Variants in SAMMSON observed in about 807,000 individuals in gnomAD.
SAMMSON encodes long intergenic non-protein coding RNA 1212.
At chr3:70,341,839 T>TAA (rs34933759) in intron 7 of SAMMSON, among the ~76,000 whole-genome samples, 26 of 151,024 alleles carry the variant, frequency 1.7e-4, no homozygotes, top group African/African-American at 2.9e-4. Context: ...GGCACTCCAA[T>TAA]AAAAAAAAAC....
At chr3:70,026,539 T>C (rs1576101082) in intron 3 of SAMMSON, among the ~76,000 whole-genome samples, 1 of 152,288 alleles carries the variant, frequency 6.6e-6, no homozygotes, top group Admixed American at 6.5e-5. Context: ...ACATATCAAG[T>C]CCCTGATCAC....
chr3:70,072,500 A>G (rs2067233765), intron 4 of SAMMSON: 1 of 151,824 alleles, frequency 6.6e-6, no homozygotes, highest in Admixed American at 6.6e-5. Flanking sequence ...TGAGTTGTGA[A>G]TAATTTTAAC....
intron 4 of SAMMSON, chr3:70,071,800 A>G (rs2067231123): frequency 6.6e-6 from 1 of 152,010 alleles, no homozygotes; most frequent in Non-Finnish European, 1.5e-5. Flanking sequence ...AGGTTTTCCA[A>G]TAGCTTGAAG....
At chr3:70,131,301 A>G (rs1333154627) in intron 4 of SAMMSON, among the ~76,000 whole-genome samples, 6 of 152,180 alleles carry the variant, frequency 3.9e-5, no homozygotes, top group African/African-American at 1.4e-4. Flanking sequence ...AGTTTCCTCT[A>G]CAGTCAAAAT....
At chr3:70,348,276 G>GCATCGGT (rs1244078062) in intron 7 of SAMMSON, among the ~76,000 whole-genome samples, 2 of 152,170 alleles carry the variant, frequency 1.3e-5, no homozygotes, top group Non-Finnish European at 2.9e-5. Flanking sequence ...AGATGGTCAT[G>GCATCGGT]GACAGAGGGA....
intron 4 of SAMMSON, among the ~76,000 whole-genome samples, chr3:70,144,353 T>C (rs1365070841): frequency 3.3e-5 from 5 of 152,054 alleles, no homozygotes; most frequent in Non-Finnish European, 7.4e-5. Flanking sequence ...AGAAAAACTA[T>C]AGTAGGTCCC....
intron 6 of SAMMSON, among the ~76,000 whole-genome samples, chr3:70,257,125 C>A (rs1559546606): frequency 6.6e-6 from 1 of 152,140 alleles, no homozygotes; most frequent in Non-Finnish European, 1.5e-5. Context: ...CGCTACTTTT[C>A]TAGAAAATGA....
intron 4 of SAMMSON, among the ~76,000 whole-genome samples, chr3:70,246,026 AAT>A (rs1172642628): frequency 6.6e-6 from 1 of 151,668 alleles, no homozygotes; most frequent in Admixed American, 6.6e-5. Context: ...TGCATTGTTA[AAT>A]ATATATATGT....
At chr3:70,050,159 T>C (rs1161898555) in intron 3 of SAMMSON, among the ~76,000 whole-genome samples, 40 of 152,266 alleles carry the variant, frequency 2.6e-4, no homozygotes, top group Non-Finnish European at 1.5e-4. Flanking sequence ...CACCGTGGCA[T>C]TGTGATCTAT....
At chr3:70,319,003 G>C (rs998492434) in intron 7 of SAMMSON, among the ~76,000 whole-genome samples, 3 of 152,004 alleles carry the variant, frequency 2.0e-5, no homozygotes, top group African/African-American at 7.2e-5. Flanking sequence ...TGCTAGTACT[G>C]TATTAACTGT....
At chr3:70,116,199 T>G (rs1420390862) in intron 4 of SAMMSON, among the ~76,000 whole-genome samples, 1 of 151,806 alleles carries the variant, frequency 6.6e-6, no homozygotes, top group Non-Finnish European at 1.5e-5. Flanking sequence ...AGCATTTATC[T>G]GAGCACAGAT....
chr3:70,286,434 C>G (rs924198973), intron 6 of SAMMSON, among the ~76,000 whole-genome samples: 1 of 151,744 alleles, frequency 6.6e-6, no homozygotes, highest in African/African-American at 2.4e-5. Flanking sequence ...GTTTTGGTAC[C>G]AGTACCATGC....
At chr3:70,378,979 T>TTTTATTTATTTA (rs145138282) in intron 9 of SAMMSON, among the ~76,000 whole-genome samples, 87 of 141,494 alleles carry the variant, frequency 6.1e-4, no homozygotes, top group Admixed American at 3.6e-3. Context: ...ATACTTACAC[T>TTTTATTTATTTA]TTTATTTATT....
rs1327920207 is a variant in SAMMSON, at chr3:70,016,326, A to AT, written n.417+2660dup. Among the ~76,000 whole-genome samples, 2 of 152,028 alleles carry AT rather than the reference A, an allele frequency of 1.3e-5. 1 individual carries two copies. Among genetic ancestry groups the AT allele is most frequent in the African/African-American group, 4.8e-5 (2 of 41,356 alleles). ...TCTCTGATGGCCAGTGATGATGAGCATTTTTTCATGTGTCTGTTGTCTGTA... is the reference window on the plus strand; with the variant it reads ...TCTCTGATGGCCAGTGATGATGAGCATTTTTTTCATGTGTCTGTTGTCTGTA... On this transcript the variant is annotated intron_variant and non_coding_transcript_variant, in intron 3 of 9. Transcript: ENST00000642114.
intron 9 of SAMMSON, among the ~76,000 whole-genome samples, chr3:70,380,590 G>A (rs1177678671): frequency 2.0e-5 from 3 of 151,552 alleles, no homozygotes; most frequent in Non-Finnish European, 2.9e-5. Context: ...TGTGCACAAC[G>A]TGCAGGTTAG....
chr3:70,141,341 G>C (rs1178263311), intron 4 of SAMMSON, among the ~76,000 whole-genome samples: 3 of 152,198 alleles, frequency 2.0e-5, no homozygotes, highest in African/African-American at 7.2e-5. Flanking sequence ...TGAGAACCAG[G>C]AGTACCAATG....
chr3:70,341,991 G>A (rs190789885), intron 7 of SAMMSON, among the ~76,000 whole-genome samples: 1 of 152,226 alleles, frequency 6.6e-6, no homozygotes, highest in African/African-American at 2.4e-5. Flanking sequence ...CATGGTTATT[G>A]GAGCCTTGAT....
At chr3:70,295,838 T>C (rs986107191) in intron 7 of SAMMSON, among the ~76,000 whole-genome samples, 1 of 152,228 alleles carries the variant, frequency 6.6e-6, no homozygotes, top group Non-Finnish European at 1.5e-5. Flanking sequence ...ACCTTATTTT[T>C]TATGAAGCTG....
rs568457499 is a variant in SAMMSON at position 70,411,029 on chromosome 3, A to G, written n.234-51531A>G. Among the ~76,000 whole-genome samples the G allele has an allele frequency of 1.1e-4, 17 of 152,336 alleles. No homozygotes were observed. The South Asian group carries it at 3.5e-3, about 32-fold the overall frequency. ...GAAGCCAAGTGCATTGACATTGTTT[A>G]GCACAACCGACCATCCTTTTATTTA... On this transcript the variant is annotated intron_variant and non_coding_transcript_variant, in intron 2 of 3. Transcript: ENST00000641053.
Sources: allele counts gnomAD v4.1 joint callset (sites outside exome capture counted in the v4.1 genomes callset), GRCh38; gene constraint gnomAD v4.1.1; transcripts MANE v1.5; gene names NCBI Gene and HGNC (gene_info 2026-07-23, HGNC 2026-07-21).